The following PPP3CA variants were observed in gnomAD, a reference collection of about 807,000 sequenced individuals.
PPP3CA encodes the protein CAM-PRP catalytic subunit.
PPP3CA carries 14 observed loss-of-function variants against 66.5 expected under a neutral mutation model. The observed-to-expected ratio is 0.21, with a 90% CI of 0.14 to 0.33. PPP3CA has a LOEUF of 0.33. Ranked by LOEUF, PPP3CA falls within the 10% of genes least tolerant of loss-of-function variation. PPP3CA has a pLI of 1.00. For synonymous variants in PPP3CA, 232 were observed against 226.2 expected (o/e 1.03, Z -0.23); for missense variants, 317 against 639.5 (o/e 0.50, Z 5.44).
chr4:101,170,252 A>G (rs1399255518), intron 2 of PPP3CA, among the ~76,000 whole-genome samples: 1 of 138,374 alleles, frequency 7.2e-6, no homozygotes, highest in African/African-American at 2.5e-5. Context: ...CCACAATTAT[A>G]TAAAACTACA....
chr4:101,215,467 G>A (rs1725425328), intron 1 of PPP3CA, among the ~76,000 whole-genome samples: 1 of 151,916 alleles, frequency 6.6e-6, no homozygotes, highest in South Asian at 2.1e-4. Flanking sequence ...AAGGAATCAA[G>A]CGAAAGTTTT....
intron 1 of PPP3CA, among the ~76,000 whole-genome samples, chr4:101,275,780 G>T (rs1309024310): frequency 6.7e-6 from 1 of 150,348 alleles, no homozygotes; most frequent in Non-Finnish European, 1.5e-5. Flanking sequence ...CTTGTTATGT[G>T]CAAGGTCACT....
At chr4:101,083,412 G>T (rs1050596430) in intron 6 of PPP3CA, 149 bp from the exon 7 acceptor site, 1 of 679,356 alleles carries the variant, frequency 1.5e-6, no homozygotes. Context: ...CTAAGGCCAA[G>T]TTTATCCTTG....
In PPP3CA at chr4:101,338,618, C is replaced by A. The variant is rs114421817; in HGVS notation, c.58+8121G>T. On this transcript the variant is annotated intron_variant, in intron 1 of 13. Transcript: ENST00000394854. ...AGTCATCACAGCAACATGCTCTTATCAAGGTGTCCTCTGTGAGAAGGAAGA... is the reference window on the plus strand; with the variant it reads ...AGTCATCACAGCAACATGCTCTTATAAAGGTGTCCTCTGTGAGAAGGAAGA... Among the ~76,000 whole-genome samples, 748 of 152,294 alleles carry A rather than the reference C, an allele frequency of 4.9e-3. 5 individuals carry two copies. Among genetic ancestry groups the A allele is most frequent in the African/African-American group, 0.016 (670 of 41,550 alleles).
chr4:101,069,989 G>A (rs1728845337), intron 8 of PPP3CA, among the ~76,000 whole-genome samples: 1 of 152,146 alleles, frequency 6.6e-6, no homozygotes, highest in Non-Finnish European at 1.5e-5. Flanking sequence ...AAAGTTATAT[G>A]TGGATTTCTG....
At chr4:101,230,599 G>T (rs1725930187) in intron 1 of PPP3CA, among the ~76,000 whole-genome samples, 1 of 151,522 alleles carries the variant, frequency 6.6e-6, no homozygotes, top group Non-Finnish European at 1.5e-5. Flanking sequence ...CCAACTGTGT[G>T]TCTGCTTCCT....
intron 1 of PPP3CA, among the ~76,000 whole-genome samples, chr4:101,295,714 A>G (rs1320221306): frequency 6.6e-6 from 1 of 152,262 alleles, no homozygotes; most frequent in East Asian, 1.9e-4. Context: ...CCAGATGATT[A>G]GCAAACTTAC....
At chr4:101,297,134 C>G (rs1205781099) in intron 1 of PPP3CA, among the ~76,000 whole-genome samples, 1 of 152,046 alleles carries the variant, frequency 6.6e-6, no homozygotes, top group Non-Finnish European at 1.5e-5. Flanking sequence ...TGCTTTCTTC[C>G]TCATTTATAA....
intron 1 of PPP3CA, among the ~76,000 whole-genome samples, chr4:101,219,215 T>C (rs923657378): frequency 6.6e-6 from 1 of 152,064 alleles, no homozygotes; most frequent in Non-Finnish European, 1.5e-5. Context: ...CTGGAAAGTA[T>C]ACTATGTATA....
At chr4:101,238,490 A>T (rs1726197743) in intron 1 of PPP3CA, among the ~76,000 whole-genome samples, 2 of 152,000 alleles carry the variant, frequency 1.3e-5, no homozygotes, top group South Asian at 4.1e-4. Context: ...AAAGCTGATT[A>T]AAAAAATGGA....
rs189304416 is a variant in PPP3CA, at chr4:101,248,236, C to G, written c.59-52120G>C. On this transcript the variant is annotated intron_variant, in intron 1 of 13. Coordinates refer to ENST00000394854, the MANE Select transcript of PPP3CA (RefSeq NM_000944.5). Reference sequence around the variant, plus strand: ...TTAGAATGTGGAAGAAGTCACCTGACAGCAGTATGATGTAAAAATAACTTG... The same window carrying G: ...TTAGAATGTGGAAGAAGTCACCTGAGAGCAGTATGATGTAAAAATAACTTG... Among the ~76,000 whole-genome samples the G allele has an allele frequency of 2.7e-3, 405 of 152,290 alleles. 1 individual carries two copies. Among genetic ancestry groups the G allele is most frequent in the African/African-American group, 9.1e-3 (380 of 41,550 alleles).
chr4:101,207,552 G>C (rs1578554781), intron 1 of PPP3CA, among the ~76,000 whole-genome samples: 1 of 152,292 alleles, frequency 6.6e-6, no homozygotes, highest in East Asian at 1.9e-4. Flanking sequence ...AACTAGGCTG[G>C]GCACAGTGTC....
rs1230679427 is a variant in PPP3CA, at chr4:101,025,936, T to C, written c.1495A>G (p.Ile499Val). 2 of 1,611,992 alleles carry C rather than the reference T, an allele frequency of 1.2e-6. No individual in the cohort carries two copies. Among genetic ancestry groups the C allele is most frequent in the South Asian group, 1.1e-5 (1 of 90,990 alleles). Residue 499 changes from isoleucine to valine, a missense_variant, in exon 14 of 14, where the codon ATC becomes GTC. Ile to Val is a conservative substitution (Grantham distance 29). This residue lies in a region of PPP3CA where 40 missense variants were observed against 38.6 expected (regional missense o/e 1.04). Transcript: ENST00000394854. ...GTCTCTGAGGTGAGAGCCTTGTTGATGGAGTTAAGGTTGGCGTCAGAGGGC... is the reference window on the plus strand; with the variant it reads ...GTCTCTGAGGTGAGAGCCTTGTTGACGGAGTTAAGGTTGGCGTCAGAGGGC... The part of the protein sequence containing the change: ...AMPSDANLNS[I>V]NKALTSETNG...
intron 1 of PPP3CA, among the ~76,000 whole-genome samples, chr4:101,324,150 G>GAGGGAGGA (rs1397016911): frequency 1.0e-5 from 1 of 97,484 alleles, no homozygotes; most frequent in Non-Finnish European, 2.0e-5. Flanking sequence ...GGAAGGAAGG[G>GAGGGAGGA]AGGGAGGAAG....
At chr4:101,084,646 A>T (rs1210513660) in intron 6 of PPP3CA, among the ~76,000 whole-genome samples, 1 of 151,630 alleles carries the variant, frequency 6.6e-6, no homozygotes, top group South Asian at 2.1e-4. Flanking sequence ...TCCATCTCAA[A>T]AAAAAAAAAA....
intron 1 of PPP3CA, among the ~76,000 whole-genome samples, chr4:101,324,146 A>AAGGGAGGGAGGGAGGG (rs1194244716): frequency 8.8e-6 from 1 of 113,602 alleles, no homozygotes; most frequent in African/African-American, 4.3e-5. Flanking sequence ...GAAGGGAAGG[A>AAGGGAGGGAGGGAGGG]AGGGAGGGAG....
intron 1 of PPP3CA, among the ~76,000 whole-genome samples, chr4:101,308,261 A>C (rs1056786410): frequency 6.6e-6 from 1 of 152,212 alleles, no homozygotes; most frequent in African/African-American, 2.4e-5. Context: ...AATTTTAAAA[A>C]ATTATTTTCT....
intron 1 of PPP3CA, among the ~76,000 whole-genome samples, chr4:101,248,275 G>C (rs915100669): frequency 3.3e-5 from 5 of 152,198 alleles, no homozygotes; most frequent in Non-Finnish European, 5.9e-5. Flanking sequence ...TTTAGAGCCA[G>C]ACAGACCCAA....
chr4:101,190,721 T>C (rs1442408575), intron 2 of PPP3CA, among the ~76,000 whole-genome samples: 1 of 152,074 alleles, frequency 6.6e-6, no homozygotes, highest in East Asian at 1.9e-4. Context: ...TACGAATGTT[T>C]TTTTCTGGGA....
Sources: allele counts gnomAD v4.1 joint callset (sites outside exome capture counted in the v4.1 genomes callset), GRCh38; gene constraint gnomAD v4.1.1; regional missense constraint gnomAD v4.1.1; transcripts MANE v1.5; gene names NCBI Gene and HGNC (gene_info 2026-07-23, HGNC 2026-07-21).